The following ROBO2 variants were observed in gnomAD, a reference collection of about 807,000 sequenced individuals.
ROBO2 encodes roundabout homolog 2.
ROBO2 carries 53 observed loss-of-function variants against 160.8 expected under a neutral mutation model. The ratio of observed to expected loss-of-function variants is 0.33; its 90% CI spans 0.26 to 0.41. ROBO2 has a LOEUF of 0.41. Ranked by LOEUF, ROBO2 falls within the 10% of genes least tolerant of loss-of-function variation. ROBO2 has a pLI of 1.00. For synonymous variants in ROBO2, 664 were observed against 611.7 expected, an observed-to-expected ratio of 1.09 and a Z score of -1.26; for missense variants, 1,577 against 1,722.4, an observed-to-expected ratio of 0.92 and a Z score of 1.49.
chr3:75,969,833 C>A (rs1057249388), intron 2 of ROBO2, among the ~76,000 whole-genome samples: 1 of 151,556 alleles, frequency 6.6e-6, no homozygotes, highest in Non-Finnish European at 1.5e-5. Context: ...TCCCACTCTG[C>A]AGGCTGCCTT....
At chr3:77,525,074 T>G (rs1996941) in intron 6 of ROBO2, among the ~76,000 whole-genome samples, 119,914 of 151,116 alleles carry the variant, frequency 0.79, 48,319 homozygotes, top group African/African-American at 0.93. Context: ...TATTTTTTTT[T>G]CTTTGCTAAT....
intron 2 of ROBO2, among the ~76,000 whole-genome samples, chr3:76,952,496 A>G (rs963439839): frequency 1.2e-4 from 19 of 152,064 alleles, no homozygotes; most frequent in African/African-American, 4.6e-4. Context: ...GTTGGCCAGG[A>G]TGGTCTTGAT....
chr3:76,475,235 G>T (rs566829731), intron 2 of ROBO2, among the ~76,000 whole-genome samples: 51 of 152,232 alleles, frequency 3.4e-4, no homozygotes, highest in Non-Finnish European at 6.5e-4. Flanking sequence ...GGAAATGTCT[G>T]TGGTAAACAG....
intron 1 of ROBO2, among the ~76,000 whole-genome samples, chr3:77,088,989 A>G (rs2069742086): frequency 6.6e-6 from 1 of 152,218 alleles, no homozygotes; most frequent in Non-Finnish European, 1.5e-5. Flanking sequence ...ATGCTACAGA[A>G]CAATGAGACT....
intron 2 of ROBO2, among the ~76,000 whole-genome samples, chr3:76,009,276 C>T (rs1187738881): frequency 6.6e-6 from 1 of 151,918 alleles, no homozygotes; most frequent in African/African-American, 2.4e-5. Context: ...ATAATTTTTT[C>T]GTATTTTTAG....
exon 26 of ROBO2, chr3:77,647,687 G>T (rs1173687216): frequency 1.3e-5 from 2 of 151,882 alleles, no homozygotes; most frequent in Non-Finnish European, 2.9e-5. Context: ...TTTTCCCATG[G>T]GTTTCCTACA....
At chr3:76,821,379 G>C (rs1007542226) in intron 2 of ROBO2, among the ~76,000 whole-genome samples, 1 of 151,966 alleles carries the variant, frequency 6.6e-6, no homozygotes, top group African/African-American at 2.4e-5. Flanking sequence ...GCATTTCAAA[G>C]AGGTCAAATT....
intron 1 of ROBO2, among the ~76,000 whole-genome samples, chr3:75,926,894 A>G (rs573902289): frequency 3.3e-5 from 5 of 152,364 alleles, no homozygotes; most frequent in African/African-American, 9.6e-5. Context: ...AATAGTCATA[A>G]CAATTCCTGT....
chr3:76,437,814 T>C (rs2076753279), intron 2 of ROBO2, among the ~76,000 whole-genome samples: 1 of 152,156 alleles, frequency 6.6e-6, no homozygotes, highest in Admixed American at 6.6e-5. Context: ...CTGTCTACCC[T>C]TTTTCCATGT....
chr3:77,040,616 A>G, exon 1 of ROBO2: 2 of 1,477,674 alleles, frequency 1.4e-6, no homozygotes, highest in Non-Finnish European at 1.8e-6. Flanking sequence ...GCCCCGTTCG[A>G]GACCTCTCCA....
intron 2 of ROBO2, among the ~76,000 whole-genome samples, chr3:76,433,058 G>A (rs2076509233): frequency 6.6e-6 from 1 of 152,152 alleles, no homozygotes; most frequent in Admixed American, 6.5e-5. Context: ...GTTTGCCAAA[G>A]TGCCAATCTT....
intron 2 of ROBO2, among the ~76,000 whole-genome samples, chr3:76,634,259 T>G (rs183764248): frequency 1.3e-5 from 2 of 152,296 alleles, no homozygotes; most frequent in East Asian, 3.9e-4. Context: ...TTTGTGGGTC[T>G]GAATTTCCTC....
At chr3:77,310,372 T>G (rs1395897860) in intron 2 of ROBO2, among the ~76,000 whole-genome samples, 3 of 152,138 alleles carry the variant, frequency 2.0e-5, no homozygotes, top group Non-Finnish European at 4.4e-5. Flanking sequence ...GAGAAAGATG[T>G]TTTTGAAGAC....
intron 2 of ROBO2, among the ~76,000 whole-genome samples, chr3:76,651,973 C>T (rs529839957): frequency 6.6e-6 from 1 of 152,130 alleles, no homozygotes; most frequent in Non-Finnish European, 1.5e-5. Context: ...GTTCTGATAC[C>T]TTTGTCTTAC....
In ROBO2 at chr3:77,022,195, T is replaced by A. The variant is rs569356581; in HGVS notation, c.110-75819T>A. Reference sequence around the variant, plus strand: ...GACCCGCCTGGCCAACATGGCGAAATCTCGTCTCTACTAAAAATACAAAAG... The same window carrying A: ...GACCCGCCTGGCCAACATGGCGAAAACTCGTCTCTACTAAAAATACAAAAG... On this transcript the variant is annotated intron_variant, in intron 2 of 26. Coordinates refer to the ROBO2 transcript ENST00000487694. Among the ~76,000 whole-genome samples the A allele has an allele frequency of 8.5e-5, 13 of 152,176 alleles. No homozygotes were observed. In the South Asian group the frequency reaches 2.3e-3, roughly 27 times the overall value.
At chr3:77,321,766 C>A (rs557001865) in intron 2 of ROBO2, among the ~76,000 whole-genome samples, 1 of 151,906 alleles carries the variant, frequency 6.6e-6, no homozygotes, top group African/African-American at 2.4e-5. Flanking sequence ...ACAACTAAGA[C>A]GGGCAAGCGG....
intron 2 of ROBO2, among the ~76,000 whole-genome samples, chr3:76,748,678 GTTTTT>G (rs2093932147): frequency 6.6e-6 from 1 of 151,772 alleles, no homozygotes; most frequent in African/African-American, 2.4e-5. Flanking sequence ...TTGGTGGTGT[GTTTTT>G]AGGTAAATCA....
At chr3:76,083,696 T>G (rs2108043287) in intron 2 of ROBO2, among the ~76,000 whole-genome samples, 1 of 152,286 alleles carries the variant, frequency 6.6e-6, no homozygotes, top group African/African-American at 2.4e-5. Flanking sequence ...CCCAAAATTC[T>G]ACACCTCCTA....
At chr3:76,737,068 T>C (rs2093724866) in intron 2 of ROBO2, among the ~76,000 whole-genome samples, 1 of 152,208 alleles carries the variant, frequency 6.6e-6, no homozygotes, top group Non-Finnish European at 1.5e-5. Context: ...TTAGTATAGG[T>C]TTAAAAATAT....
Sources: gnomAD v4.1 joint callset for allele counts (sites outside exome capture counted in the v4.1 genomes callset) on GRCh38, gnomAD v4.1.1 for gene constraint, MANE v1.5 for transcripts, NCBI Gene and HGNC (gene_info 2026-07-23, HGNC 2026-07-21) for gene names.